Variants in AQP4 observed in about 807,000 individuals in gnomAD.
The protein encoded by AQP4 is aquaporin-4.
In AQP4, 18 loss-of-function variants were observed where a neutral mutation model predicts 27.8. The observed-to-expected ratio is 0.65, with a 90% CI of 0.45 to 0.96. The LOEUF (loss-of-function observed/expected upper bound fraction) is 0.96, where lower values mean the gene tolerates loss of function less well. Among genes scored for constraint, AQP4 ranks in the 40% least tolerant of loss-of-function variants. The pLI, the probability that AQP4 is intolerant of heterozygous loss-of-function variation, is 0.00. For synonymous variants in AQP4, 141 were observed against 142.9 expected, an observed-to-expected ratio of 0.99 and a Z score of 0.10; for missense variants, 412 against 408.2, an observed-to-expected ratio of 1.01 and a Z score of -0.08.
chr18:26,856,262 T>C lies in AQP4; in HGVS notation c.921A>G (p.Gly307=), dbSNP rs778565561. The C allele has an allele frequency of 1.9e-6, 3 of 1,614,060 alleles. No homozygotes were observed. The Admixed American group carries it at 5.0e-5, about 27-fold the overall frequency. The change falls in exon 5 of 5, where the codon GGA becomes GGG. Residue 307 remains glycine (G), a synonymous_variant. Coordinates refer to ENST00000383168, the MANE Select transcript of AQP4 (RefSeq NM_001650.7). ...GVVHVIDVDR[G]EEKKGKDQSG... is the part of the protein sequence containing the mutation. Reference sequence around the variant, plus strand: ...ATTGGTCTTTCCCCTTCTTCTCCTCTCCCCGGTCAACGTCAATCACATGCA... The same window carrying C: ...ATTGGTCTTTCCCCTTCTTCTCCTCCCCCCGGTCAACGTCAATCACATGCA...
At chr18:26,864,284 G>T (rs2055015624) in intron 1 of AQP4, among the ~76,000 whole-genome samples, 2 of 152,204 alleles carry the variant, frequency 1.3e-5, no homozygotes, top group African/African-American at 4.8e-5. Flanking sequence ...CAAAAAGGGT[G>T]AGGGGAATTT....
Position 26,860,795 on chromosome 18 carries a change from T to A in AQP4, c.670A>T (p.Met224Leu), listed in dbSNP as rs371557672. Residue 224 changes from methionine (M) to leucine (L), a missense_variant, in exon 4 of 5, where the codon ATG becomes TTG. Transcript: ENST00000383168. ...ACCCAATGGTTTTCCCAATTTCCCA[T>A]GATAACTGCAGGTCCAAAGGATCGG... is the stretch of plus-strand genomic sequence containing the variant. ...PARSFGPAVI[M>L]GNWENHWIYW... 17 of 1,613,964 alleles carry A rather than the reference T, an allele frequency of 1.1e-5. No homozygotes were observed. In the East Asian group the frequency reaches 3.8e-4, roughly 36 times the overall value.
At chr18:26,861,429 G>T in intron 2 of AQP4, 134 bp from the exon 3 acceptor site, 1 of 843,090 alleles carries the variant, frequency 1.2e-6, no homozygotes, top group Non-Finnish European at 1.9e-6. Context: ...CTTCAACTGA[G>T]AATTTCCTTC....
Position 26,855,456 on chromosome 18 carries a change from T to C in AQP4, c.*755A>G, listed in dbSNP as rs1785348158. The C allele has an allele frequency of 6.6e-6, 1 of 152,380 alleles. No homozygotes were observed. The highest frequency in any genetic ancestry group is 6.5e-5 in the Admixed American group (1 of 15,298). The allele number at this position is 152,380 out of a possible 1,614,324, so 9.4% of individuals were successfully genotyped here. A position where few individuals can be genotyped will look rare whatever the true frequency, so the allele number is the denominator to read the frequency against. ...TTTGTTTGTGATTTTTGTATGATGA[T>C]AACTTTGCCTCTGCCTCTACAAGAT... On this transcript the variant is annotated 3_prime_UTR_variant, in exon 5 of 5. Coordinates refer to ENST00000383168, the MANE Select transcript of AQP4 (RefSeq NM_001650.7).
intron 4 of AQP4, among the ~76,000 whole-genome samples, chr18:26,860,453 G>A (rs760780920): frequency 9.2e-5 from 14 of 152,060 alleles, no homozygotes; most frequent in Middle Eastern, 3.4e-3. Context: ...ACTTTAACTT[G>A]TTCCACATAG....
At position 26,856,394 on chromosome 18, in the gene AQP4, T is replaced by C; in HGVS notation, c.789A>G (p.Lys263=). ...CPDVEFKRRF[K]EAFSKAAQQT... ...GCTGGGCAGCTTTGCTGAAGGCTTC[T>C]TTAAAACGACGTTTGAATTCAACAT... The change falls in exon 5 of 5, where the codon AAA becomes AAG. Residue 263 remains lysine, a synonymous_variant. Coordinates refer to ENST00000383168, the MANE Select transcript of AQP4 (RefSeq NM_001650.7). 1.2e-6 allele frequency: 2 copies of C among 1,614,272 alleles called. No homozygotes were observed. The highest frequency in any genetic ancestry group is 1.7e-6 in the Non-Finnish European group (2 of 1,180,048).
intron 1 of AQP4, 36 bp from the exon 2 acceptor site, chr18:26,862,632 A>G: frequency 6.2e-7 from 1 of 1,613,646 alleles, no homozygotes; most frequent in East Asian, 2.2e-5. Context: ...AGAAGCCACT[A>G]CACCCAGGTT....
rs774486714 is a variant in AQP4 at position 26,865,660 on chromosome 18, C to A, written c.30G>T (p.Trp10Cys). MSDRPTARR[W>C]GKCGPLCTRE... ...CCTTAAGGCAAAGAAGGACTTACCC[C>A]CACCGCCTTGCTGTGGGTCTGTCAC... Residue 10 changes from tryptophan to cysteine, a missense_variant and splice_region_variant, in exon 1 of 5, where the codon TGG becomes TGT. Transcript: ENST00000383168. The A allele has an allele frequency of 1.9e-5, 31 of 1,614,080 alleles. No homozygotes were observed. The highest frequency in any genetic ancestry group is 2.5e-5 in the Non-Finnish European group (30 of 1,180,052).
chr18:26,853,006 A>AGTT lies in AQP4; in HGVS notation c.*3202_*3204dup, dbSNP rs2054777589. The AGTT allele has an allele frequency of 2.3e-5, 9 of 397,612 alleles. No homozygotes were observed. The highest frequency in any genetic ancestry group is 6.3e-4 in the Middle Eastern group (1 of 1,588). 24.6% of individuals were successfully genotyped at this position (397,612 alleles called of 1,614,324 possible). ...GTTTGGAATTTTCCTGTCATTATCGAGTTTAAACCAATACATGTGTTGTCT... is the reference window on the plus strand; with the variant it reads ...GTTTGGAATTTTCCTGTCATTATCGAGTTGTTTAAACCAATACATGTGTTGTCT... On this transcript the variant is annotated 3_prime_UTR_variant, in exon 5 of 5. Coordinates refer to ENST00000383168, the MANE Select transcript of AQP4 (RefSeq NM_001650.7).
intron 4 of AQP4, among the ~76,000 whole-genome samples, chr18:26,858,545 T>C (rs956268045): frequency 1.3e-5 from 2 of 152,210 alleles, no homozygotes; most frequent in Non-Finnish European, 2.9e-5. Flanking sequence ...AGTTCCTCTC[T>C]TGAACATGAA....
chr18:26,852,749 A>G lies in AQP4; in HGVS notation c.*3462T>C, dbSNP rs949736279. On this transcript the variant is annotated 3_prime_UTR_variant, in exon 5 of 5. Transcript: ENST00000383168. ...ATGTTAAAAACACTTTAGGAAAGAC[A>G]GAATTACTTTTAGGTATAAAATGTT... The G allele has an allele frequency of 7.5e-6, 3 of 398,246 alleles. No individual in the cohort carries two copies. Among genetic ancestry groups the G allele is most frequent in the African/African-American group, 4.1e-5 (2 of 48,652 alleles). The allele number at this position is 398,246 out of a possible 1,614,324, so 24.7% of individuals were successfully genotyped here.
rs2144963236 is a variant in AQP4, at chr18:26,860,842, G to C, written c.623C>G (p.Thr208Ser). 1 of 1,613,984 alleles carries C rather than the reference G, an allele frequency of 6.2e-7. No individual in the cohort carries two copies. The highest frequency in any genetic ancestry group is 2.2e-5 in the East Asian group (1 of 44,862). The change falls in exon 4 of 5, where the codon ACT (threonine) becomes AGT (serine). Residue 208 changes from threonine to serine, a missense_variant. Coordinates refer to ENST00000383168, the MANE Select transcript of AQP4 (RefSeq NM_001650.7). ...AIGHLFAINY[T>S]GASMNPARSF... ...TCGGGCGGGATTCATGCTGGCACCA[G>C]TATAATTGATCTATAGGAAACAAGA...
intron 1 of AQP4, 178 bp downstream of exon 1, chr18:26,865,480 C>T (rs2055042599): frequency 2.5e-6 from 2 of 795,306 alleles, no homozygotes; most frequent in Admixed American, 3.8e-5. Flanking sequence ...CCCTTTTCTT[C>T]TACCTTCTCT....
At chr18:26,860,149 G>C (rs2054914272) in intron 4 of AQP4, among the ~76,000 whole-genome samples, 1 of 152,196 alleles carries the variant, frequency 6.6e-6, no homozygotes, top group Non-Finnish European at 1.5e-5. Flanking sequence ...TTAGGTTTGA[G>C]ACTGAAAAGT....
chr18:26,852,600 T>C lies in AQP4; in HGVS notation c.*3611A>G. 2.6e-6 allele frequency: 1 copy of C among 384,254 alleles called. No homozygotes were observed. The highest frequency in any genetic ancestry group is 3.7e-5 in the East Asian group (1 of 27,170). The allele number at this position is 384,254 out of a possible 1,614,324, so 23.8% of individuals were successfully genotyped here. ...CATTTATTTCAGAGAATTATGAGTTTCAAAAGCTACTGCTCTTATGGGGCA... is the reference window on the plus strand; with the variant it reads ...CATTTATTTCAGAGAATTATGAGTTCCAAAAGCTACTGCTCTTATGGGGCA... On this transcript the variant is annotated 3_prime_UTR_variant, in exon 5 of 5. Coordinates refer to ENST00000383168, the MANE Select transcript of AQP4 (RefSeq NM_001650.7).
chr18:26,863,994 T>TTG (rs1491261203), intron 1 of AQP4, among the ~76,000 whole-genome samples: 4 of 146,040 alleles, frequency 2.7e-5, no homozygotes, highest in Non-Finnish European at 4.5e-5. Context: ...ATTCCCCTTT[T>TTG]GGGGGGGGGG....
chr18:26,853,694 T>A lies in AQP4; in HGVS notation c.*2517A>T, dbSNP rs1476595561. ...GCCCCAGTCTCCTAATACACTTGGATAATTTGGTGCCATCCACAAGGCGAT... is the reference window on the plus strand; with the variant it reads ...GCCCCAGTCTCCTAATACACTTGGAAAATTTGGTGCCATCCACAAGGCGAT... On this transcript the variant is annotated 3_prime_UTR_variant, in exon 5 of 5. Transcript: ENST00000383168. The A allele has an allele frequency of 6.6e-6, 1 of 152,616 alleles. No homozygotes were observed. Among genetic ancestry groups the A allele is most frequent in the Non-Finnish European group, 1.5e-5 (1 of 68,046 alleles). The allele number at this position is 152,616 out of a possible 1,614,324, so 9.5% of individuals were successfully genotyped here.
rs1367683197 is a variant in AQP4 at position 26,856,325 on chromosome 18, C to T, written c.858G>A (p.Gln286=). ...TTAGAATCAGGTCATCCGTCTCTAC[C>T]TGACTCCTGTTGTCCTCCACCTCCA... ...SYMEVEDNRS[Q]VETDDLILKP... is the part of the protein sequence containing the mutation. Residue 286 remains glutamine (Q), a synonymous_variant, in exon 5 of 5, where the codon CAG becomes CAA. Transcript: ENST00000383168. The T allele has an allele frequency of 1.2e-6, 2 of 1,614,200 alleles. No individual in the cohort carries two copies. The highest frequency in any genetic ancestry group is 1.7e-5 in the Admixed American group (1 of 60,030).
intron 4 of AQP4, among the ~76,000 whole-genome samples, chr18:26,857,079 G>T (rs1196416773): frequency 6.6e-6 from 1 of 152,050 alleles, no homozygotes; most frequent in Non-Finnish European, 1.5e-5. Context: ...AAACCTCACG[G>T]GGTAAAAGGA....
Sources: allele counts gnomAD v4.1 joint callset (sites outside exome capture counted in the v4.1 genomes callset), GRCh38; gene constraint gnomAD v4.1.1; transcripts MANE v1.5; gene names NCBI Gene and HGNC (gene_info 2026-07-23, HGNC 2026-07-21).